The following DNAAF9 variants were observed in gnomAD, a reference collection of about 807,000 sequenced individuals.
DNAAF9 encodes shulin.
A neutral mutation model predicts 167.0 loss-of-function variants in DNAAF9; 90 were observed. That is an observed-to-expected ratio of 0.54 (90% confidence interval 0.45 to 0.64). DNAAF9 has a LOEUF of 0.64. DNAAF9 is among the 30% of genes least tolerant of loss of function. The pLI, the probability that DNAAF9 is intolerant of heterozygous loss-of-function variation, is 0.00. For synonymous variants in DNAAF9, 491 were observed against 508.8 expected (o/e 0.96, Z 0.47); for missense variants, 1,315 against 1,442.2 (o/e 0.91, Z 1.43).
chr20:3,310,325 G>GAAAA (rs2069382550), intron 20 of DNAAF9, among the ~76,000 whole-genome samples: 19 of 60,372 alleles, frequency 3.1e-4, no homozygotes, highest in South Asian at 1.5e-3. Flanking sequence ...AGAAAGGAAA[G>GAAAA]AGAAAGAAAA....
intron 25 of DNAAF9, among the ~76,000 whole-genome samples, chr20:3,290,806 T>G (rs1391189080): frequency 7.1e-6 from 1 of 140,788 alleles, no homozygotes; most frequent in Non-Finnish European, 1.5e-5. Context: ...TTTTTTTTTT[T>G]GAGATGGAGT....
At chr20:3,312,424 T>TAA (rs1007697332) in intron 20 of DNAAF9, among the ~76,000 whole-genome samples, 1 of 145,524 alleles carries the variant, frequency 6.9e-6, no homozygotes, top group Admixed American at 6.9e-5. Flanking sequence ...GAGGGGGCTT[T>TAA]AAAAAAAAAA....
intron 1 of DNAAF9, among the ~76,000 whole-genome samples, chr20:3,395,918 T>C (rs1331215): frequency 0.2 from 30,570 of 152,120 alleles, 3,341 homozygotes; most frequent in African/African-American, 0.26. Flanking sequence ...ATAATTCCCA[T>C]GGGTCATGGG....
intron 21 of DNAAF9, among the ~76,000 whole-genome samples, chr20:3,303,464 T>C (rs2069230073): frequency 6.6e-6 from 1 of 152,206 alleles, no homozygotes; most frequent in Non-Finnish European, 1.5e-5. Context: ...CGAAATTAGC[T>C]ACTTATCATC....
Position 3,332,295 on chromosome 20 carries a change from G to T in DNAAF9, c.1048C>A (p.His350Asn). The T allele has an allele frequency of 6.3e-7, 1 of 1,585,334 alleles. No individual in the cohort carries two copies. Among genetic ancestry groups the T allele is most frequent in the Non-Finnish European group, 8.7e-7 (1 of 1,154,032 alleles). ...CSRTYFFGAT[H>N]VPYLGGDSKL... ...AGGGACTTACCCAAGTAAGGAACAT[G>T]AGTAGCTCCAAAAAAGTATGTTCTC... Residue 350 changes from histidine (H) to asparagine (N), a missense_variant, in exon 11 of 37, where the codon CAT becomes AAT. His to Asn is a moderately conservative substitution (Grantham distance 68). Coordinates refer to ENST00000252032, the MANE Select transcript of DNAAF9 (RefSeq NM_001009984.3).
intron 12 of DNAAF9, among the ~76,000 whole-genome samples, chr20:3,327,431 G>A (rs1049718640): frequency 6.6e-6 from 1 of 152,100 alleles, no homozygotes; most frequent in Non-Finnish European, 1.5e-5. Flanking sequence ...TGCCTTGGAG[G>A]AAGGAGGTGC....
At chr20:3,369,649 T>G (rs1236275399) in intron 6 of DNAAF9, among the ~76,000 whole-genome samples, 1 of 152,204 alleles carries the variant, frequency 6.6e-6, no homozygotes, top group Non-Finnish European at 1.5e-5. Flanking sequence ...AGTGCTGGGA[T>G]TACAGGTGTG....
At chr20:3,372,193 T>C (rs904187686) in intron 6 of DNAAF9, among the ~76,000 whole-genome samples, 2 of 152,218 alleles carry the variant, frequency 1.3e-5, no homozygotes, top group Admixed American at 6.5e-5. Context: ...CAAGAGCCTT[T>C]CTGGCTCAGG....
intron 20 of DNAAF9, among the ~76,000 whole-genome samples, chr20:3,312,820 C>T (rs1429880719): frequency 2.0e-5 from 3 of 152,194 alleles, no homozygotes; most frequent in Non-Finnish European, 2.9e-5. Flanking sequence ...GAAGGGGAGA[C>T]TCCTGTTTAA....
intron 1 of DNAAF9, among the ~76,000 whole-genome samples, chr20:3,393,461 G>A (rs1283036442): frequency 3.9e-5 from 6 of 152,022 alleles, no homozygotes; most frequent in East Asian, 1.9e-4. Context: ...GCAATGAGCC[G>A]AGATTGAGCC....
chr20:3,271,108 C>T (rs541616129), intron 29 of DNAAF9, among the ~76,000 whole-genome samples: 190 of 152,160 alleles, frequency 1.2e-3, no homozygotes, highest in African/African-American at 4.4e-3. Flanking sequence ...CCATTGCACC[C>T]GGCCTCCTCT....
chr20:3,282,219 A>G (rs79064368), intron 27 of DNAAF9, among the ~76,000 whole-genome samples: 9,612 of 152,246 alleles, frequency 0.063, 390 homozygotes, highest in Non-Finnish European at 0.083. Context: ...CATGTCAAAT[A>G]CAGCTCACAT....
intron 10 of DNAAF9, among the ~76,000 whole-genome samples, chr20:3,336,841 T>C (rs1006753701): frequency 6.6e-6 from 1 of 151,586 alleles, no homozygotes; most frequent in African/African-American, 2.4e-5. Flanking sequence ...CCGCGCCTGG[T>C]CTATTTTTAC....
At chr20:3,291,478 G>A (rs1250924217) in intron 25 of DNAAF9, among the ~76,000 whole-genome samples, 1 of 151,908 alleles carries the variant, frequency 6.6e-6, no homozygotes, top group Non-Finnish European at 1.5e-5. Flanking sequence ...CGAGTAGCTG[G>A]GACTACAGGT....
chr20:3,376,329 A>G, intron 3 of DNAAF9, 27 bp from the exon 4 acceptor site: 1 of 1,568,598 alleles, frequency 6.4e-7, no homozygotes, highest in Non-Finnish European at 8.7e-7. Context: ...ATCAAAACAC[A>G]AGACTGTCAA....
At chr20:3,374,770 C>T (rs772100212) in intron 5 of DNAAF9, among the ~76,000 whole-genome samples, 4 of 152,152 alleles carry the variant, frequency 2.6e-5, no homozygotes, top group Admixed American at 6.5e-5. Context: ...GTAAGTGATA[C>T]AGCCATGTCA....
intron 6 of DNAAF9, among the ~76,000 whole-genome samples, chr20:3,364,042 T>G (rs188314782): frequency 1.0e-3 from 158 of 152,316 alleles, no homozygotes; most frequent in Non-Finnish European, 1.6e-3. Flanking sequence ...GTGCAAGTGA[T>G]CCTCCTGCCT....
At chr20:3,319,540 A>G (rs2069578049) in intron 16 of DNAAF9, among the ~76,000 whole-genome samples, 2 of 152,322 alleles carry the variant, frequency 1.3e-5, no homozygotes, top group East Asian at 1.9e-4. Context: ...GATAAGTAGC[A>G]CAAGGACCTG....
Position 3,253,814 on chromosome 20 carries a change from T to C in DNAAF9, c.3333A>G (p.Lys1111=). Residue 1111 remains lysine (K), a synonymous_variant, in exon 36 of 37, where the codon AAA becomes AAG. Transcript: ENST00000252032. ...CTGCAGGTAGGGGTTCCAAGTGGCGTTTTACCTGTAGGAGAAAAGAGACCT... is the reference window on the plus strand; with the variant it reads ...CTGCAGGTAGGGGTTCCAAGTGGCGCTTTACCTGTAGGAGAAAAGAGACCT... ...TQQEIRSIHV[K]RHLEPLPAGY... is the part of the protein sequence containing the mutation. 1.9e-6 allele frequency: 3 copies of C among 1,586,886 alleles called. No homozygotes were observed. Among genetic ancestry groups the C allele is most frequent in the African/African-American group, 2.7e-5 (2 of 74,508 alleles).
Sources: gnomAD v4.1 joint callset for allele counts (sites outside exome capture counted in the v4.1 genomes callset) on GRCh38, gnomAD v4.1.1 for gene constraint, MANE v1.5 for transcripts, NCBI Gene and HGNC (gene_info 2026-07-23, HGNC 2026-07-21) for gene names.